NEGR1: variants seen among roughly 807,000 people sequenced by gnomAD.
The protein encoded by NEGR1 is IgLON family member 4.
NEGR1 carries 10 observed loss-of-function variants against 40.9 expected under a neutral mutation model. The ratio of observed to expected loss-of-function variants is 0.24; its 90% CI spans 0.15 to 0.42. NEGR1 has a LOEUF of 0.42. NEGR1 is among the 10% of genes least tolerant of loss of function. The probability of loss-of-function intolerance (pLI) is 1.00; values close to 1 mark genes in which losing one functional copy is unlikely to be tolerated. For missense variants in NEGR1, 352 were observed against 438.9 expected (o/e 0.80, Z 1.77); for synonymous variants, 185 against 166.8 (o/e 1.11, Z -0.84).
intron 6 of NEGR1, among the ~76,000 whole-genome samples, chr1:71,533,041 C>A (rs927852793): frequency 1.3e-5 from 2 of 151,530 alleles, no homozygotes; most frequent in African/African-American, 4.8e-5. Context: ...ACTTCCCTGA[C>A]CGTGGACACA....
intron 6 of NEGR1, among the ~76,000 whole-genome samples, chr1:71,549,041 C>T (rs1647991225): frequency 6.6e-6 from 1 of 151,674 alleles, no homozygotes; most frequent in African/African-American, 2.4e-5. Flanking sequence ...ACAACTTTAT[C>T]CTTCTGGACA....
At chr1:72,179,563 A>T (rs1451253133) in intron 1 of NEGR1, among the ~76,000 whole-genome samples, 1 of 152,098 alleles carries the variant, frequency 6.6e-6, no homozygotes, top group Non-Finnish European at 1.5e-5. Flanking sequence ...AGTTATTTGC[A>T]TTTGCACTTT....
chr1:72,008,402 C>T (rs1202060171), intron 1 of NEGR1, among the ~76,000 whole-genome samples: 1 of 152,112 alleles, frequency 6.6e-6, no homozygotes, highest in Admixed American at 6.5e-5. Context: ...CACATCATTA[C>T]ATTTTTCTGA....
At chr1:71,829,495 T>C (rs1352723968) in intron 2 of NEGR1, among the ~76,000 whole-genome samples, 1 of 151,838 alleles carries the variant, frequency 6.6e-6, no homozygotes, top group Non-Finnish European at 1.5e-5. Flanking sequence ...AGCTCTGCAA[T>C]ACCTCAGGCC....
intron 6 of NEGR1, among the ~76,000 whole-genome samples, chr1:71,511,996 G>T (rs748874396): frequency 5.3e-5 from 8 of 152,130 alleles, no homozygotes; most frequent in African/African-American, 1.4e-4. Context: ...TGTTAGAAAC[G>T]TGTAAACAGT....
chr1:72,159,673 T>C (rs894718972), intron 1 of NEGR1, among the ~76,000 whole-genome samples: 7 of 152,142 alleles, frequency 4.6e-5, no homozygotes, highest in African/African-American at 1.7e-4. Context: ...TCTTTGTGTC[T>C]GATACCATAT....
intron 6 of NEGR1, chr1:71,468,758 A>G (rs555261873): frequency 2.0e-5 from 3 of 152,170 alleles, no homozygotes; most frequent in South Asian, 2.1e-4. Context: ...CTTATTCTCA[A>G]ATAAAAACTA....
chr1:72,231,646 C>T (rs976084423), intron 1 of NEGR1, among the ~76,000 whole-genome samples: 2 of 152,210 alleles, frequency 1.3e-5, no homozygotes, highest in African/African-American at 4.8e-5. Context: ...ATGATCCATT[C>T]CAGAATATAC....
intron 2 of NEGR1, among the ~76,000 whole-genome samples, chr1:71,926,797 T>C (rs1015862071): frequency 1.3e-5 from 2 of 152,128 alleles, no homozygotes; most frequent in Non-Finnish European, 2.9e-5. Context: ...TGATCTAAAG[T>C]ATTGTTCTAA....
intron 1 of NEGR1, among the ~76,000 whole-genome samples, chr1:72,089,794 T>G (rs1184847129): frequency 2.6e-5 from 4 of 152,168 alleles, no homozygotes; most frequent in African/African-American, 4.8e-5. Context: ...AAAGATTAAA[T>G]TATGGACTAT....
intron 2 of NEGR1, among the ~76,000 whole-genome samples, chr1:71,818,641 T>G (rs1443574011): frequency 6.6e-6 from 1 of 151,696 alleles, no homozygotes; most frequent in Non-Finnish European, 1.5e-5. Context: ...GAAGTGCATT[T>G]TACCTATATA....
chr1:72,197,373 C>T (rs1003486832), intron 1 of NEGR1, among the ~76,000 whole-genome samples: 3 of 152,048 alleles, frequency 2.0e-5, no homozygotes, highest in Non-Finnish European at 4.4e-5. Context: ...CTACTTTTGT[C>T]ATTTTGCCTT....
chr1:71,842,199 A>C (rs923323612), intron 2 of NEGR1, among the ~76,000 whole-genome samples: 1 of 152,086 alleles, frequency 6.6e-6, no homozygotes, highest in Non-Finnish European at 1.5e-5. Flanking sequence ...GCTTTGTCAC[A>C]CTTTGGGAGC....
At chr1:71,917,014 A>G (rs1454184497) in intron 2 of NEGR1, among the ~76,000 whole-genome samples, 1 of 152,140 alleles carries the variant, frequency 6.6e-6, no homozygotes, top group African/African-American at 2.4e-5. Context: ...TTTTCTTCTC[A>G]GTGTTTCCTG....
intron 2 of NEGR1, among the ~76,000 whole-genome samples, chr1:71,918,641 G>A (rs1661672688): frequency 6.6e-6 from 1 of 151,662 alleles, no homozygotes; most frequent in South Asian, 2.1e-4. Context: ...ATAGCTTTTT[G>A]GGTAAAATGC....
At chr1:71,558,728 T>C (rs868424105) in intron 6 of NEGR1, among the ~76,000 whole-genome samples, 90 of 146,942 alleles carry the variant, frequency 6.1e-4, no homozygotes, top group Middle Eastern at 3.6e-3. Context: ...CTTTCTTTTT[T>C]TTTTTTTTTT....
intron 4 of NEGR1, among the ~76,000 whole-genome samples, chr1:71,613,621 CT>C (rs1378468665): frequency 2.0e-5 from 3 of 149,958 alleles, no homozygotes; most frequent in Non-Finnish European, 4.4e-5. Flanking sequence ...TGCCATTGCA[CT>C]TCAGCCTGGG....
Position 71,776,243 on chromosome 1 carries a change from T to G in NEGR1, c.464A>C (p.Asn155Thr). 6.2e-7 allele frequency: 1 copy of G among 1,606,734 alleles called. No homozygotes were observed. The highest frequency in any genetic ancestry group is 8.5e-7 in the Non-Finnish European group (1 of 1,175,296). Residue 155 changes from asparagine to threonine, a missense_variant, in exon 3 of 7, where the codon AAC becomes ACC. Coordinates refer to ENST00000357731, the MANE Select transcript of NEGR1 (RefSeq NM_173808.3). ...AGTGGCCAAACAAGTAAGAGTGACG[T>G]TGGTTCCTTCATTGACGGTCATATC... ...SNDMTVNEGT[N>T]VTLTCLATGK...
intron 3 of NEGR1, among the ~76,000 whole-genome samples, chr1:71,762,935 G>T (rs1467851052): frequency 6.6e-6 from 1 of 151,934 alleles, no homozygotes; most frequent in East Asian, 1.9e-4. Flanking sequence ...TGCCATAAAA[G>T]AATTGCCAGA....
Sources: allele counts gnomAD v4.1 joint callset (sites outside exome capture counted in the v4.1 genomes callset), GRCh38; gene constraint gnomAD v4.1.1; transcripts MANE v1.5; gene names NCBI Gene and HGNC (gene_info 2026-07-23, HGNC 2026-07-21).